Variants in NOTCH2 observed in about 807,000 individuals in gnomAD.
NOTCH2 encodes the protein notch receptor 2, also known as neurogenic locus notch homolog protein 2.
NOTCH2 carries 29 observed loss-of-function variants against 235.8 expected under a neutral mutation model. That is an observed-to-expected ratio of 0.12 (90% CI 0.09 to 0.17). The LOEUF (loss-of-function observed/expected upper bound fraction) is 0.17. NOTCH2 is among the 10% of genes least tolerant of loss of function. NOTCH2 has a pLI of 1.00. For synonymous variants in NOTCH2, 1,086 were observed against 1,141.5 expected, an observed-to-expected ratio of 0.95 and a Z score of 0.98; for missense variants, 2,285 against 3,150.2, an observed-to-expected ratio of 0.73 and a Z score of 6.57.
chr1:119,953,951 A>G (rs782099584), intron 13 of NOTCH2, among the ~76,000 whole-genome samples: 1 of 152,194 alleles, frequency 6.6e-6, no homozygotes, highest in East Asian at 1.9e-4. Context: ...GGTTTCTACA[A>G]TATATTGGGC....
intron 12 of NOTCH2, among the ~76,000 whole-genome samples, chr1:119,958,296 G>T (rs1553198617): frequency 6.6e-6 from 1 of 152,194 alleles, no homozygotes; most frequent in East Asian, 1.9e-4. Context: ...ACTGAACAGG[G>T]ATCACTGTGA....
chr1:119,980,065 A>T (rs1449608919), intron 5 of NOTCH2, among the ~76,000 whole-genome samples: 1 of 152,192 alleles, frequency 6.6e-6, no homozygotes. Context: ...GTCTCGCATG[A>T]TATCAACATC....
At chr1:119,963,336 AAAACACACAC>A in intron 11 of NOTCH2, among the ~76,000 whole-genome samples, 1 of 152,356 alleles carries the variant, frequency 6.6e-6, no homozygotes, top group South Asian at 2.1e-4. Flanking sequence ...TCTATTTAAC[AAAACACACAC>A]AAACACACAC....
intron 31 of NOTCH2, 143 bp downstream of exon 31, chr1:119,919,169 C>T (rs1649186066): frequency 1.1e-6 from 1 of 937,450 alleles, no homozygotes; most frequent in Non-Finnish European, 1.6e-6. Context: ...CCCACTTTCC[C>T]ATCTACCAAG....
At position 119,925,751 on chromosome 1, in the gene NOTCH2, C is replaced by T. The variant is rs1365472734; in HGVS notation, c.4065G>A (p.Glu1355=). ...SCGQVKCRKG[E]QCVHTASGPR... The stretch of plus-strand genomic sequence containing the variant: ...GTCCAGAGGCGGTGTGCACACACTG[C>T]TCCCCCTTCCTACATTTCACTTGTC... Residue 1355 remains glutamate (E), a synonymous_variant, in exon 25 of 34, where the codon GAG becomes GAA. Transcript: ENST00000256646. 5.0e-6 allele frequency: 8 copies of T among 1,614,002 alleles called. No homozygotes were observed. Among genetic ancestry groups the T allele is most frequent in the South Asian group, 1.1e-5 (1 of 91,078 alleles).
rs1648968913 is a variant in NOTCH2 at position 119,913,770 on chromosome 1, C to T, written c.*1536G>A. 4.6e-6 allele frequency: 1 copy of T among 218,204 alleles called. No homozygotes were observed. The highest frequency in any genetic ancestry group is 8.7e-6 in the Non-Finnish European group (1 of 115,356). The allele number at this position is 218,204 out of a possible 1,614,324, so 13.5% of individuals were successfully genotyped here. ...GAAAGGAAAATGTTCTGTTGAGTTT[C>T]TACGTTAGTTGCCAAAGGGAATGTC... On this transcript the variant is annotated 3_prime_UTR_variant, in exon 34 of 34. Coordinates refer to ENST00000256646, the MANE Select transcript of NOTCH2 (RefSeq NM_024408.4).
chr1:119,963,547 T>C (rs372888673), intron 11 of NOTCH2, 27 bp downstream of exon 11: 2 of 1,574,126 alleles, frequency 1.3e-6, no homozygotes, highest in African/African-American at 1.3e-5. Flanking sequence ...GAAAACCCCA[T>C]ACCAAACATA....
At chr1:119,953,398 C>T (rs1021289411) in intron 14 of NOTCH2, 145 bp downstream of exon 14, 2 of 834,346 alleles carry the variant, frequency 2.4e-6, no homozygotes, top group Admixed American at 1.9e-5. Context: ...TTTTTATTCC[C>T]CAAGTGCCTT....
chr1:119,999,976 A>AAAGGAAGGAAGGAAGG (rs58775950), intron 3 of NOTCH2, among the ~76,000 whole-genome samples: 67 of 56,648 alleles, frequency 1.2e-3, no homozygotes, highest in Admixed American at 2.9e-3. Flanking sequence ...AGAAAGAAAG[A>AAAGGAAGGAAGGAAGG]AAGGAAGGAA....
intron 7 of NOTCH2, among the ~76,000 whole-genome samples, chr1:119,967,834 C>G (rs1651203281): frequency 6.6e-6 from 1 of 152,174 alleles, no homozygotes; most frequent in Non-Finnish European, 1.5e-5. Context: ...TCTGCCCAAA[C>G]TGTCATTGAG....
intron 5 of NOTCH2, among the ~76,000 whole-genome samples, chr1:119,978,529 T>C (rs907056033): frequency 2.0e-5 from 3 of 152,190 alleles, no homozygotes; most frequent in Admixed American, 6.5e-5. Flanking sequence ...TTGGCCACTA[T>C]AGCAATGAGA....
rs180683714 is a variant in NOTCH2, at chr1:119,927,260, C to T, written c.3893-649G>A. On this transcript the variant is annotated intron_variant, in intron 23 of 33. Transcript: ENST00000256646. ...GAGACGCAGGGCACAGCTGGGACTC[C>T]TGGCCAACAGCAGGAGATAGGCCCC... 2.5e-3 allele frequency among the ~76,000 whole-genome samples: 375 copies of T among 152,336 alleles called. 1 individual carries two copies. Among genetic ancestry groups the T allele is most frequent in the African/African-American group, 8.7e-3 (363 of 41,586 alleles).
At chr1:119,924,045 C>T in intron 25 of NOTCH2, 61 bp from the exon 26 acceptor site, 1 of 1,412,286 alleles carries the variant, frequency 7.1e-7, no homozygotes, top group Middle Eastern at 1.7e-4. Flanking sequence ...GCTCTATTTG[C>T]TTTTTCATTT....
In NOTCH2 at chr1:119,949,054, G is replaced by A; in HGVS notation, c.2552C>T (p.Ser851Leu). 2 of 1,614,172 alleles carry A rather than the reference G, an allele frequency of 1.2e-6. No homozygotes were observed. The highest frequency in any genetic ancestry group is 8.5e-7 in the Non-Finnish European group (1 of 1,180,024). Residue 851 changes from serine (S) to leucine (L), a missense_variant, in exon 16 of 34, where the codon TCA becomes TTA. Transcript: ENST00000256646. ...PCENAAVCKESPNFESYTCLC... is the reference protein window; with the variant it reads ...PCENAAVCKELPNFESYTCLC... ...GCAAGTATAACTCTCAAAATTTGGT[G>A]ACTCTTTGCAAACAGCAGCATTCTC...
In NOTCH2 at chr1:119,916,305, G is replaced by A; in HGVS notation, c.6417C>T (p.Val2139=). 1 of 1,614,178 alleles carries A rather than the reference G, an allele frequency of 6.2e-7. No individual in the cohort carries two copies. The highest frequency in any genetic ancestry group is 1.1e-5 in the South Asian group (1 of 91,072). The change falls in exon 34 of 34, where the codon GTC becomes GTT. Residue 2139 remains valine, a synonymous_variant. Transcript: ENST00000256646. ...SRRKKSLSEK[V]QLSESSVTLS... is the part of the protein sequence containing the mutation. ...AAGTTACTGAACTCTCAGACAGTTG[G>A]ACCTTCTCACTCAGAGACTTCTTCC...
intron 12 of NOTCH2, among the ~76,000 whole-genome samples, chr1:119,958,990 A>G (rs1011244275): frequency 2.6e-5 from 4 of 152,136 alleles, no homozygotes; most frequent in Non-Finnish European, 5.9e-5. Flanking sequence ...TACCTTGAGT[A>G]TGTCAAAGAG....
rs1651217724 is a variant in NOTCH2, at chr1:119,968,156, T to G, written c.1185A>C (p.Leu395=). Residue 395 remains leucine, a synonymous_variant, in exon 7 of 34, where the codon CTA becomes CTC. Transcript: ENST00000256646. ...GGCAGGTGCAAATATATTGCCCATTTAGGGGGTTGGTGTCACACAGTGCCC... is the reference window on the plus strand; with the variant it reads ...GGCAGGTGCAAATATATTGCCCATTGAGGGGGTTGGTGTCACACAGTGCCC... ...HKGALCDTNP[L]NGQYICTCPQ... The G allele has an allele frequency of 1.9e-6, 3 of 1,614,100 alleles. No homozygotes were observed. Among genetic ancestry groups the G allele is most frequent in the Non-Finnish European group, 2.5e-6 (3 of 1,179,966 alleles).
At position 119,921,776 on chromosome 1, in the gene NOTCH2, T is replaced by G; in HGVS notation, c.5247A>C (p.Leu1749=). Residue 1749 remains leucine, a synonymous_variant, in exon 29 of 34, where the codon CTA becomes CTC. Transcript: ENST00000256646. The stretch of plus-strand genomic sequence containing the variant: ...AGTGTTCACTTGTTCCAGTACCAAT[T>G]AGGTTAGCTTCTGAGACTTGCACTG... ...NLSVQVSEAN[L]IGTGTSEHWV... 1 of 1,614,140 alleles carries G rather than the reference T, an allele frequency of 6.2e-7. No homozygotes were observed. Among genetic ancestry groups the G allele is most frequent in the Non-Finnish European group, 8.5e-7 (1 of 1,179,974 alleles).
chr1:119,959,533 A>G (rs375569818), intron 11 of NOTCH2, 31 bp from the exon 12 acceptor site: 202 of 1,172,456 alleles, frequency 1.7e-4, no homozygotes, highest in Non-Finnish European at 2.3e-4. Flanking sequence ...GAAACCATTC[A>G]ATGTTACCAC....
Sources: gnomAD v4.1 joint callset for allele counts (sites outside exome capture counted in the v4.1 genomes callset) on GRCh38, gnomAD v4.1.1 for gene constraint, MANE v1.5 for transcripts, NCBI Gene and HGNC (gene_info 2026-07-23, HGNC 2026-07-21) for gene names.